The following DENND1A variants were observed in gnomAD, a reference collection of about 807,000 sequenced individuals.
DENND1A encodes the protein DENN domain containing 1A, also known as DENN domain-containing protein 1A.
Under a neutral mutation model 113.7 loss-of-function variants are expected in DENND1A, and 51 were observed. The ratio of observed to expected loss-of-function variants is 0.45; its 90% CI spans 0.36 to 0.57. The LOEUF (loss-of-function observed/expected upper bound fraction) is 0.57, where lower values mean the gene tolerates loss of function less well. DENND1A is among the 20% of genes least tolerant of loss of function. DENND1A has a pLI of 0.00. For missense variants in DENND1A, 1,258 were observed against 1,395.9 expected, an observed-to-expected ratio of 0.90 and a Z score of 1.57; for synonymous variants, 565 against 570.8, an observed-to-expected ratio of 0.99 and a Z score of 0.14.
intron 11 of DENND1A, among the ~76,000 whole-genome samples, chr9:123,593,896 T>C (rs564683010): frequency 6.6e-6 from 1 of 152,100 alleles, no homozygotes; most frequent in African/African-American, 2.4e-5. Flanking sequence ...GCTGTTCTTG[T>C]GATGGTGAGT....
At chr9:123,413,334 A>G (rs758329217) in intron 19 of DENND1A, 7 of 836,358 alleles carry the variant, frequency 8.4e-6, no homozygotes, top group Non-Finnish European at 1.0e-5. Context: ...TTATATTAAA[A>G]TCAATTTCAC....
intron 1 of DENND1A, among the ~76,000 whole-genome samples, chr9:123,920,884 T>A (rs2479101): frequency 6.6e-6 from 1 of 152,034 alleles, no homozygotes; most frequent in African/African-American, 2.4e-5. Context: ...GGGACATAAG[T>A]GTTCTTAAAT....
chr9:123,681,052 G>GGCATA, intron 5 of DENND1A, among the ~76,000 whole-genome samples: 1 of 152,112 alleles, frequency 6.6e-6, no homozygotes, highest in East Asian at 1.9e-4. Flanking sequence ...TAGTGTGCTG[G>GGCATA]GGCCCAAGCA....
intron 13 of DENND1A, among the ~76,000 whole-genome samples, chr9:123,465,782 T>C (rs1201714907): frequency 2.6e-5 from 4 of 152,230 alleles, no homozygotes; most frequent in Admixed American, 6.5e-5. Context: ...CTTTTAAATG[T>C]ACTATTTAAT....
chr9:123,660,108 G>A (rs1279109419), intron 8 of DENND1A, among the ~76,000 whole-genome samples: 4 of 152,320 alleles, frequency 2.6e-5, no homozygotes, highest in East Asian at 1.9e-4. Context: ...AACCTGGGTC[G>A]CTACACTGTG....
intron 13 of DENND1A, among the ~76,000 whole-genome samples, chr9:123,519,987 T>C (rs945652998): frequency 1.3e-5 from 2 of 151,586 alleles, no homozygotes; most frequent in African/African-American, 2.4e-5. Flanking sequence ...AAGTGAGACC[T>C]TGTTTCTACA....
At chr9:123,473,433 A>G (rs1179541907) in intron 13 of DENND1A, among the ~76,000 whole-genome samples, 3 of 152,072 alleles carry the variant, frequency 2.0e-5, no homozygotes, top group African/African-American at 7.2e-5. Flanking sequence ...GTTGTCGTGG[A>G]GACAACCACA....
intron 5 of DENND1A, among the ~76,000 whole-genome samples, chr9:123,690,072 G>GGGA (rs2065075979): frequency 1.9e-5 from 2 of 106,430 alleles, no homozygotes; most frequent in East Asian, 3.3e-4. Flanking sequence ...GAGGGAGGGA[G>GGGA]GGAAGAAGGA....
At chr9:123,408,689 ACCT>A (rs1294749456) in intron 20 of DENND1A, among the ~76,000 whole-genome samples, 1 of 152,064 alleles carries the variant, frequency 6.6e-6, no homozygotes, top group East Asian at 1.9e-4. Flanking sequence ...CAGGCTAGTC[ACCT>A]CCTGCATTAG....
chr9:123,449,907 G>A (rs769960804), intron 18 of DENND1A, among the ~76,000 whole-genome samples: 40 of 151,992 alleles, frequency 2.6e-4, no homozygotes, highest in Admixed American at 7.9e-4. Context: ...CTGCTCAGGT[G>A]ATGGGTGCAC....
intron 1 of DENND1A, among the ~76,000 whole-genome samples, chr9:123,897,916 G>A (rs1851020713): frequency 6.6e-6 from 1 of 150,522 alleles, no homozygotes; most frequent in South Asian, 2.1e-4. Context: ...CTCCACTCCG[G>A]GCAACAGAGT....
At chr9:123,496,481 TG>T (rs1374680522) in intron 13 of DENND1A, among the ~76,000 whole-genome samples, 4 of 152,358 alleles carry the variant, frequency 2.6e-5, no homozygotes, top group African/African-American at 9.6e-5. Flanking sequence ...AAGATTTCAC[TG>T]GTATTTACAA....
intron 10 of DENND1A, among the ~76,000 whole-genome samples, chr9:123,617,188 C>T (rs1368738377): frequency 1.3e-5 from 2 of 152,210 alleles, no homozygotes; most frequent in Non-Finnish European, 2.9e-5. Context: ...TGGTTTCCAA[C>T]CCAGCCCTCT....
At chr9:123,841,626 C>G (rs1196283978) in intron 2 of DENND1A, among the ~76,000 whole-genome samples, 1 of 152,024 alleles carries the variant, frequency 6.6e-6, no homozygotes, top group South Asian at 2.1e-4. Flanking sequence ...AGTGTAAGAA[C>G]AAGCTTACTT....
In DENND1A at chr9:123,435,875, G is replaced by A. The variant is rs143470448; in HGVS notation, c.1488+4485C>T. 1.6e-3 allele frequency among the ~76,000 whole-genome samples: 251 copies of A among 152,336 alleles called. 1 individual carries two copies. Among genetic ancestry groups the A allele is most frequent in the African/African-American group, 5.7e-3 (238 of 41,578 alleles). ...TTCCAGTGTGCCTCCTCATGTGTAC[G>A]ATGGGTAAAATGATTTCTTCCTCAC... On this transcript the variant is annotated intron_variant, in intron 19 of 23. Transcript: ENST00000394215.
chr9:123,469,032 G>C (rs1353333863), intron 13 of DENND1A, among the ~76,000 whole-genome samples: 1 of 152,218 alleles, frequency 6.6e-6, no homozygotes, highest in Non-Finnish European at 1.5e-5. Flanking sequence ...CCTGCCCTCA[G>C]AGGGCCTGGG....
chr9:123,824,087 A>G (rs1005769929), intron 2 of DENND1A, among the ~76,000 whole-genome samples: 1 of 152,156 alleles, frequency 6.6e-6, no homozygotes, highest in Non-Finnish European at 1.5e-5. Flanking sequence ...TGAAGATGAG[A>G]ATTATCAAGG....
intron 19 of DENND1A, among the ~76,000 whole-genome samples, chr9:123,421,988 C>T (rs978234437): frequency 4.6e-5 from 7 of 152,196 alleles, no homozygotes; most frequent in Admixed American, 4.6e-4. Context: ...CCTTCCCTCA[C>T]TCACCCACCT....
At chr9:123,799,700 A>T (rs1331007127) in intron 2 of DENND1A, among the ~76,000 whole-genome samples, 1 of 152,218 alleles carries the variant, frequency 6.6e-6, no homozygotes, top group Non-Finnish European at 1.5e-5. Context: ...TGTCTCCTAC[A>T]AAATGTCTTA....
Sources: allele counts gnomAD v4.1 joint callset (sites outside exome capture counted in the v4.1 genomes callset), GRCh38; gene constraint gnomAD v4.1.1; transcripts MANE v1.5; gene names NCBI Gene and HGNC (gene_info 2026-07-23, HGNC 2026-07-21).